FGF13: variants seen among roughly 807,000 people sequenced by gnomAD.
FGF13 encodes fibroblast growth factor 13.
Under a neutral mutation model 19.5 loss-of-function variants are expected in FGF13, and 2 were observed. The ratio of observed to expected loss-of-function variants is 0.10; its 90% CI spans 0.04 to 0.32. The LOEUF (loss-of-function observed/expected upper bound fraction) is 0.32, where lower values mean the gene tolerates loss of function less well. Among genes scored for constraint, FGF13 ranks in the 10% least tolerant of loss-of-function variants. The pLI is 1.00. For missense variants in FGF13, 113 were observed against 192.7 expected, an observed-to-expected ratio of 0.59 and a Z score of 2.45; for synonymous variants, 72 against 76.9, an observed-to-expected ratio of 0.94 and a Z score of 0.33.
chrX:139,195,011 A>T (rs1472823663), intron 1 of FGF13, among the ~76,000 whole-genome samples: 6 of 111,798 alleles, frequency 5.4e-5, no homozygotes, highest in African/African-American at 1.6e-4. Flanking sequence ...GGCGCCGGGC[A>T]GCTCTTTGCC....
intron 3 of FGF13, among the ~76,000 whole-genome samples, chrX:138,765,812 G>T (rs1460750055): frequency 9.0e-6 from 1 of 111,363 alleles, no homozygotes; most frequent in Non-Finnish European, 1.9e-5. Flanking sequence ...AATCACACTT[G>T]TCGTGTGCAA....
At chrX:138,651,140 C>G (rs895545487) in intron 3 of FGF13, among the ~76,000 whole-genome samples, 2 of 112,035 alleles carry the variant, frequency 1.8e-5, no homozygotes. Context: ...AGTTTCAAAT[C>G]TCATAGCTTT....
chrX:138,847,299 G>A (rs2091189470), intron 3 of FGF13, among the ~76,000 whole-genome samples: 3 of 111,766 alleles, frequency 2.7e-5, no homozygotes, highest in Admixed American at 1.9e-4. Flanking sequence ...CAGGGTTTTC[G>A]TGATCATGCT....
At chrX:138,935,269 C>T (rs1176187239) in intron 1 of FGF13, among the ~76,000 whole-genome samples, 1 of 110,356 alleles carries the variant, frequency 9.1e-6, no homozygotes. Flanking sequence ...GGACGCTGAG[C>T]GTTTGAGGAT....
At position 138,798,769 on chromosome X, in the gene FGF13, C is replaced by T. The variant is rs183462129; in HGVS notation, c.217+58743G>A. Among the ~76,000 whole-genome samples the T allele has an allele frequency of 2.0e-3, 226 of 111,867 alleles. 1 individual carries two copies. Among genetic ancestry groups the T allele is most frequent in the African/African-American group, 6.7e-3 (206 of 30,782 alleles). On this transcript the variant is annotated intron_variant, in intron 3 of 6. Coordinates refer to the FGF13 transcript ENST00000436198. ...CTTGTTATTGGTCTATTCAGGGATT[C>T]GACTTCTCCCTGGTTTAGTCTTGGG... is the stretch of plus-strand genomic sequence containing the variant.
At chrX:138,749,607 G>A (rs1252622167) in intron 3 of FGF13, among the ~76,000 whole-genome samples, 1 of 111,224 alleles carries the variant, frequency 9.0e-6, no homozygotes, top group Non-Finnish European at 1.9e-5. Flanking sequence ...TGCAGGCAGA[G>A]TTCACAAGTA....
chrX:138,803,794 T>C (rs778497153), intron 3 of FGF13, among the ~76,000 whole-genome samples: 2 of 112,146 alleles, frequency 1.8e-5, no homozygotes, highest in South Asian at 7.5e-4. Context: ...TGGCCCAGAG[T>C]TCTGATGAGG....
intron 1 of FGF13, among the ~76,000 whole-genome samples, chrX:139,148,742 A>G (rs2083910093): frequency 9.0e-6 from 1 of 111,571 alleles, no homozygotes; most frequent in Non-Finnish European, 1.9e-5. Context: ...ACAAGCCCAC[A>G]TTTAGGAACC....
intron 1 of FGF13, among the ~76,000 whole-genome samples, chrX:139,155,271 T>G (rs1338909206): frequency 8.9e-6 from 1 of 112,367 alleles, no homozygotes; most frequent in Non-Finnish European, 1.9e-5. Flanking sequence ...CTCTTCTTAA[T>G]GAAAAGCAAT....
intron 1 of FGF13, among the ~76,000 whole-genome samples, chrX:138,902,537 A>G (rs1464503474): frequency 9.0e-6 from 1 of 111,550 alleles, no homozygotes; most frequent in Non-Finnish European, 1.9e-5. Context: ...CTCTCCATCA[A>G]CTTTTTAGCT....
intron 3 of FGF13, among the ~76,000 whole-genome samples, chrX:138,835,808 T>A (rs770545502): frequency 2.7e-5 from 3 of 111,928 alleles, no homozygotes; most frequent in Non-Finnish European, 5.6e-5. Flanking sequence ...CCTTTCCACA[T>A]TTAGTGCTTC....
chrX:138,710,553 C>T (rs890402500), intron 1 of FGF13, among the ~76,000 whole-genome samples: 2 of 112,307 alleles, frequency 1.8e-5, no homozygotes, highest in African/African-American at 6.5e-5. Context: ...ACATATGTGA[C>T]ATGTCCGAAG....
intron 3 of FGF13, among the ~76,000 whole-genome samples, chrX:138,789,159 T>G (rs1347590028): frequency 9.0e-6 from 1 of 111,030 alleles, no homozygotes; most frequent in Non-Finnish European, 1.9e-5. Context: ...GGATTATTAT[T>G]TATTCATTTG....
chrX:138,781,012 G>A (rs1406493318), intron 3 of FGF13, among the ~76,000 whole-genome samples: 87 of 110,978 alleles, frequency 7.8e-4, no homozygotes, highest in Non-Finnish European at 1.4e-3. Flanking sequence ...ATTAATAATC[G>A]CACTCAAAAC....
intron 1 of FGF13, among the ~76,000 whole-genome samples, chrX:139,098,390 T>C (rs1182024055): frequency 2.7e-5 from 3 of 111,309 alleles, no homozygotes; most frequent in African/African-American, 9.8e-5. Flanking sequence ...CAAGGAAAAA[T>C]AAATAATTCT....
intron 3 of FGF13, among the ~76,000 whole-genome samples, chrX:138,819,230 T>G (rs918213961): frequency 2.7e-5 from 3 of 111,224 alleles, no homozygotes; most frequent in African/African-American, 9.8e-5. Flanking sequence ...TTAAAAATAT[T>G]AATACCTACC....
At chrX:138,810,739 A>T (rs1203632377) in intron 3 of FGF13, among the ~76,000 whole-genome samples, 1 of 112,129 alleles carries the variant, frequency 8.9e-6, no homozygotes, top group African/African-American at 3.2e-5. Flanking sequence ...AACTTAAACA[A>T]GTTTACAGGA....
intron 1 of FGF13, among the ~76,000 whole-genome samples, chrX:139,110,886 G>A (rs909098292): frequency 4.0e-4 from 44 of 110,765 alleles, no homozygotes; most frequent in African/African-American, 1.4e-3. Flanking sequence ...GAAATCTAGC[G>A]TTCCAGTGGT....
At chrX:139,022,924 C>G (rs778830789) in intron 1 of FGF13, among the ~76,000 whole-genome samples, 2 of 111,501 alleles carry the variant, frequency 1.8e-5, no homozygotes, top group South Asian at 7.5e-4. Context: ...TATTCAAATG[C>G]TTGAAATGTA....
Sources: gnomAD v4.1 joint callset for allele counts (sites outside exome capture counted in the v4.1 genomes callset) on GRCh38, gnomAD v4.1.1 for gene constraint, MANE v1.5 for transcripts, NCBI Gene and HGNC (gene_info 2026-07-23, HGNC 2026-07-21) for gene names.